FAT3: variants seen among roughly 807,000 people sequenced by gnomAD.
FAT3 encodes protocadherin Fat 3.
In FAT3, 95 loss-of-function variants were observed where a neutral mutation model predicts 310.2. The ratio of observed to expected loss-of-function variants is 0.31; its 90% CI spans 0.26 to 0.36. The LOEUF is 0.36. Among genes scored for constraint, FAT3 ranks in the 10% least tolerant of loss-of-function variants. The pLI is 1.00. For synonymous variants in FAT3, 2,314 were observed against 2,192.9 expected (o/e 1.06, Z -1.54); for missense variants, 5,408 against 5,715.6 (o/e 0.95, Z 1.74).
intron 3 of FAT3, among the ~76,000 whole-genome samples, chr11:92,564,694 C>T (rs904089611): frequency 1.3e-5 from 2 of 151,986 alleles, no homozygotes; most frequent in African/African-American, 4.8e-5. Flanking sequence ...ATCTCTCAGA[C>T]CACAGTGCAA....
chr11:92,800,392 G>T lies in FAT3; in HGVS notation c.7379G>T (p.Arg2460Leu), dbSNP rs200944979. 1.2e-6 allele frequency: 2 copies of T among 1,613,868 alleles called. No individual in the cohort carries two copies. The highest frequency in any genetic ancestry group is 1.7e-6 in the Non-Finnish European group (2 of 1,179,886). The change falls in exon 10 of 28, where the codon CGG (arginine) becomes CTG (leucine). Residue 2460 changes from arginine to leucine, a missense_variant. Coordinates refer to ENST00000525166, the MANE Select transcript of FAT3 (RefSeq NM_001367949.2). ...VITLSNHRKQ[R>L]MEPLYSLNVS... Reference sequence around the variant, plus strand: ...ACATTGTCCAACCATCGGAAGCAGCGGATGGAGCCTCTGTACAGTCTCAAT... The same window carrying T: ...ACATTGTCCAACCATCGGAAGCAGCTGATGGAGCCTCTGTACAGTCTCAAT...
At chr11:92,706,410 C>T (rs145891566) in intron 4 of FAT3, among the ~76,000 whole-genome samples, 108 of 151,992 alleles carry the variant, frequency 7.1e-4, no homozygotes, top group African/African-American at 2.4e-3. Flanking sequence ...TGTGTGGGAG[C>T]GGTGGGGATG....
intron 2 of FAT3, among the ~76,000 whole-genome samples, chr11:92,432,198 T>C (rs1207169118): frequency 6.6e-6 from 1 of 152,148 alleles, no homozygotes; most frequent in Non-Finnish European, 1.5e-5. Context: ...TAGTTCTCCT[T>C]GAAGAGGTCC....
intron 4 of FAT3, among the ~76,000 whole-genome samples, chr11:92,750,778 T>C (rs1429443369): frequency 6.6e-6 from 1 of 152,150 alleles, no homozygotes; most frequent in East Asian, 1.9e-4. Context: ...AGGCATTCAG[T>C]TCAAGCCAAT....
chr11:92,613,004 G>T (rs1007742081), intron 3 of FAT3, among the ~76,000 whole-genome samples: 3 of 152,068 alleles, frequency 2.0e-5, no homozygotes, highest in Admixed American at 2.0e-4. Context: ...TAGGTAGGAC[G>T]GGATCGTAGA....
At chr11:92,668,030 A>G (rs560169684) in intron 3 of FAT3, among the ~76,000 whole-genome samples, 35 of 152,328 alleles carry the variant, frequency 2.3e-4, no homozygotes, top group African/African-American at 8.2e-4. Context: ...AGGAAAGATC[A>G]TCAGAGCAGC....
rs188255582 is a variant in FAT3 at position 92,546,267 on chromosome 11, G to A, written c.3607+21319G>A. Among the ~76,000 whole-genome samples, 154 of 152,292 alleles carry A rather than the reference G, an allele frequency of 1.0e-3. 1 individual carries two copies. The South Asian group carries it at 0.017, about 17-fold the overall frequency. On this transcript the variant is annotated intron_variant, in intron 3 of 27. Coordinates refer to ENST00000525166, the MANE Select transcript of FAT3 (RefSeq NM_001367949.2). ...TCCCTGTCAGTGTGTTTAAGGGAAC[G>A]TAAAGGATTTTTCTGTCATTGTAAT... is the stretch of plus-strand genomic sequence containing the variant.
chr11:92,762,205 G>A (rs371260654), intron 5 of FAT3, 35 bp downstream of exon 5: 7 of 1,561,884 alleles, frequency 4.5e-6, no homozygotes, highest in Non-Finnish European at 5.2e-6. Context: ...CACAGCAGAT[G>A]GGGGGAAGTG....
chr11:92,880,567 T>G (rs1355089046), intron 22 of FAT3, among the ~76,000 whole-genome samples, 164 bp from the exon 23 acceptor site: 2 of 151,996 alleles, frequency 1.3e-5, no homozygotes, highest in Non-Finnish European at 2.9e-5. Flanking sequence ...TTGGCATTTT[T>G]GTGGCAAGAT....
intron 19 of FAT3, among the ~76,000 whole-genome samples, chr11:92,853,450 T>C (rs1053119403): frequency 3.9e-5 from 6 of 152,208 alleles, no homozygotes; most frequent in Non-Finnish European, 8.8e-5. Context: ...TTTTCTCTCC[T>C]TCTTGTCGCC....
intron 3 of FAT3, among the ~76,000 whole-genome samples, chr11:92,644,607 C>T (rs1027844825): frequency 2.0e-5 from 3 of 152,182 alleles, no homozygotes; most frequent in Non-Finnish European, 4.4e-5. Context: ...TATGAGTTCA[C>T]GGACACATGT....
chr11:92,762,303 G>A (rs905796671), intron 5 of FAT3, 133 bp downstream of exon 5: 56 of 865,840 alleles, frequency 6.5e-5, no homozygotes, highest in Non-Finnish European at 8.2e-5. Flanking sequence ...GGTTCTTTCT[G>A]GGAGGCAAGT....
intron 2 of FAT3, among the ~76,000 whole-genome samples, chr11:92,414,266 T>A (rs1950359043): frequency 6.6e-6 from 1 of 152,180 alleles, no homozygotes; most frequent in East Asian, 1.9e-4. Context: ...CCCCACCCAA[T>A]TCATGATTGA....
At chr11:92,568,458 A>G (rs1204437495) in intron 3 of FAT3, among the ~76,000 whole-genome samples, 5 of 152,146 alleles carry the variant, frequency 3.3e-5, no homozygotes, top group Admixed American at 1.3e-4. Flanking sequence ...TCATTTATAT[A>G]TGACATTGCC....
At chr11:92,240,432 C>A (rs1181852965) in intron 1 of FAT3, among the ~76,000 whole-genome samples, 1 of 151,786 alleles carries the variant, frequency 6.6e-6, no homozygotes, top group African/African-American at 2.4e-5. Context: ...CTTTTGCAGC[C>A]ATGGCTGTAT....
At chr11:92,871,982 A>G (rs1194417724) in intron 22 of FAT3, among the ~76,000 whole-genome samples, 2 of 151,766 alleles carry the variant, frequency 1.3e-5, no homozygotes, top group African/African-American at 2.4e-5. Context: ...AAAAATTAGT[A>G]TAAAGGTGGA....
chr11:92,656,238 T>C (rs189341864), intron 3 of FAT3, among the ~76,000 whole-genome samples: 10 of 152,310 alleles, frequency 6.6e-5, no homozygotes, highest in Non-Finnish European at 1.3e-4. Flanking sequence ...GGTATAAAGA[T>C]GGGGGTTGGT....
chr11:92,447,495 C>A (rs897587439), intron 2 of FAT3, among the ~76,000 whole-genome samples: 8 of 151,992 alleles, frequency 5.3e-5, no homozygotes, highest in African/African-American at 1.2e-4. Flanking sequence ...AAGAGCTAAG[C>A]AATATTATAG....
chr11:92,644,533 T>C (rs1222876421), intron 3 of FAT3, among the ~76,000 whole-genome samples: 2 of 152,158 alleles, frequency 1.3e-5, no homozygotes, highest in East Asian at 3.8e-4. Context: ...AAATAAAATG[T>C]TCACTTCCTA....
Sources: gnomAD v4.1 joint callset for allele counts (sites outside exome capture counted in the v4.1 genomes callset) on GRCh38, gnomAD v4.1.1 for gene constraint, MANE v1.5 for transcripts, NCBI Gene and HGNC (gene_info 2026-07-23, HGNC 2026-07-21) for gene names.